Variants in LETMD1 observed in about 807,000 individuals in gnomAD.
LETMD1 encodes the protein LETM1 domain containing 1.
Under a neutral mutation model 43.9 loss-of-function variants are expected in LETMD1, and 30 were observed. That is an observed-to-expected ratio of 0.68 (90% CI 0.51 to 0.93). LETMD1 has a LOEUF of 0.93. Among genes scored for constraint, LETMD1 ranks in the 40% least tolerant of loss-of-function variants. LETMD1 has a pLI of 0.00. For missense variants in LETMD1, 413 were observed against 447.7 expected, an observed-to-expected ratio of 0.92 and a Z score of 0.70; for synonymous variants, 176 against 163.1, an observed-to-expected ratio of 1.08 and a Z score of -0.60.
intron 3 of LETMD1, among the ~76,000 whole-genome samples, chr12:51,053,284 G>A (rs144105648): frequency 6.6e-6 from 1 of 152,138 alleles, no homozygotes; most frequent in African/African-American, 2.4e-5. Context: ...GACATTATTT[G>A]GGATACAAAA....
chr12:51,048,497 G>GA lies in LETMD1; in HGVS notation c.122+23dup, dbSNP rs34799767. The GA allele has an allele frequency of 5.0e-6, 8 of 1,611,454 alleles. 1 individual carries two copies. The South Asian group carries it at 8.8e-5, about 18-fold the overall frequency. ...CCCCTCGGTGAGGGACCTGTAGCGA[G>GA]AAAAGCATTTTTGACGTCCAGGCTC... On this transcript the variant is annotated intron_variant, in intron 1 of 8. Coordinates refer to ENST00000262055, the MANE Select transcript of LETMD1 (RefSeq NM_015416.5).
downstream of LETMD1, chr12:51,063,454 CT>C: frequency 4.6e-6 from 1 of 217,540 alleles, no homozygotes; most frequent in Non-Finnish European, 9.1e-6. Flanking sequence ...AGTTACCCAG[CT>C]TTTCCTGTGA....
At chr12:51,068,107 C>A in the LETMD1 span, 1 of 724,016 alleles carries the variant, frequency 1.4e-6, no homozygotes. Context: ...ATGGCAGCTA[C>A]TAGCACATGT....
At chr12:51,055,779 T>C in intron 4 of LETMD1, 56 bp from the exon 5 acceptor site, 1 of 1,305,044 alleles carries the variant, frequency 7.7e-7, no homozygotes, top group Non-Finnish European at 1.1e-6. Context: ...TTTCTTTGGC[T>C]TCCTCTGAAA....
chr12:51,055,733 C>T, intron 4 of LETMD1, 102 bp from the exon 5 acceptor site: 2 of 631,316 alleles, frequency 3.2e-6, no homozygotes, highest in East Asian at 5.8e-5. Flanking sequence ...ATAGTGTCTC[C>T]ATCTCTTCTT....
intron 2 of LETMD1, 108 bp from the exon 3 acceptor site, chr12:51,051,969 AGCTTTGAGTATCGTT>A (rs1323356580): frequency 1.3e-6 from 1 of 786,894 alleles, no homozygotes; most frequent in African/African-American, 1.8e-5. Context: ...CCTAGTTTAA[AGCTTTGAGTATCGTT>A]GGGGAGGGGT....
chr12:51,051,353 G>A (rs573986071), intron 2 of LETMD1, among the ~76,000 whole-genome samples: 46 of 151,130 alleles, frequency 3.0e-4, no homozygotes, highest in African/African-American at 1.1e-3. Context: ...GCAGTGAGCC[G>A]AGATTGCGCC....
At chr12:51,053,469 C>A (rs1431924591) in intron 3 of LETMD1, among the ~76,000 whole-genome samples, 2 of 152,108 alleles carry the variant, frequency 1.3e-5, no homozygotes, top group African/African-American at 4.8e-5. Flanking sequence ...ATGGTGAAAC[C>A]CTGTCTCGAC....
chr12:51,054,537 G>A (rs1002060323), intron 4 of LETMD1, among the ~76,000 whole-genome samples: 1 of 152,142 alleles, frequency 6.6e-6, no homozygotes, highest in African/African-American at 2.4e-5. Flanking sequence ...GCCCAGATGT[G>A]GCTTCTTCAG....
intron 7 of LETMD1, 197 bp from the exon 8 acceptor site, chr12:51,057,835 C>G: frequency 1.6e-6 from 1 of 611,216 alleles, no homozygotes; most frequent in Non-Finnish European, 3.0e-6. Flanking sequence ...CCATATTGGC[C>G]AGGCTGGTCT....
At chr12:51,067,018 T>C in the LETMD1 span, among the ~76,000 whole-genome samples, 84 of 152,122 alleles carry the variant, frequency 5.5e-4, no homozygotes, top group African/African-American at 2.0e-3. This position sits in a 1 kb window ranked among gnomAD's most constrained non-coding sequence, Gnocchi z 4.1. Context: ...TTTGTAAAGA[T>C]GGGGCTTAGC....
the LETMD1 span, among the ~76,000 whole-genome samples, chr12:51,065,463 T>C: frequency 6.6e-6 from 1 of 152,216 alleles, no homozygotes; most frequent in Non-Finnish European, 1.5e-5. Flanking sequence ...CTTTCTATGA[T>C]ACTGACTTAT....
downstream of LETMD1, chr12:51,064,153 G>C (rs1937859475): frequency 1.9e-6 from 3 of 1,614,138 alleles, no homozygotes; most frequent in Non-Finnish European, 2.5e-6. Flanking sequence ...AAGTAGGATG[G>C]GCTGTTCACC....
chr12:51,068,010 G>A, the LETMD1 span: 811,586 of 1,583,640 alleles, frequency 0.51, 218,926 homozygotes, highest in Non-Finnish European at 0.57. Context: ...AGACATGAGC[G>A]GCATGCACCT....
intron 3 of LETMD1, among the ~76,000 whole-genome samples, chr12:51,052,611 T>C (rs1946478303): frequency 6.6e-6 from 1 of 151,942 alleles, no homozygotes. Flanking sequence ...TCAAACCCCA[T>C]CTCTACTGAA....
At chr12:51,049,217 A>G (rs1394707139) in intron 2 of LETMD1, 32 bp downstream of exon 2, 35 of 1,592,886 alleles carry the variant, frequency 2.2e-5, no homozygotes, top group Non-Finnish European at 2.9e-5. Flanking sequence ...AAATTCCGGA[A>G]TCAGCTCTTG....
At position 51,055,900 on chromosome 12, in the gene LETMD1, T is replaced by C. The variant is rs34293530; in HGVS notation, c.539T>C (p.Leu180Ser). The C allele has an allele frequency of 7.8e-4, 1,263 of 1,614,004 alleles. 9 individuals are homozygous for C. In the African/African-American group the frequency reaches 0.014, roughly 18 times the overall value. Residue 180 changes from leucine to serine, a missense_variant, in exon 5 of 9, where the codon TTA becomes TCA. Physicochemically the swap from Leu to Ser is moderately radical, Grantham distance 145. Coordinates refer to ENST00000262055, the MANE Select transcript of LETMD1 (RefSeq NM_015416.5). ...ACCCCAAAACAACAAACTGATTTCT[T>C]AGATATCTATCATGCTTTCCGGAAG... The part of the protein sequence containing the change: ...FWTPKQQTDF[L>S]DIYHAFRKQS...
chr12:51,051,177 G>T lies in LETMD1; in HGVS notation c.275-915G>T, dbSNP rs186457318. On this transcript the variant is annotated intron_variant, in intron 2 of 8. Coordinates refer to ENST00000262055, the MANE Select transcript of LETMD1 (RefSeq NM_015416.5). ...TCCTAGCACTTTGGGAGGCCAAGGC[G>T]GGCGGATCATGAGGTCAGGAGTTTG... Among the ~76,000 whole-genome samples, 565 of 149,412 alleles carry T rather than the reference G, an allele frequency of 3.8e-3. 6 individuals carry two copies. Among genetic ancestry groups the T allele is most frequent in the African/African-American group, 0.013 (516 of 40,512 alleles).
Position 51,056,512 on chromosome 12 carries a change from T to G in LETMD1, c.915+10T>G, listed in dbSNP as rs1947774479. On this transcript the variant is annotated intron_variant, in intron 7 of 8. Coordinates refer to ENST00000262055, the MANE Select transcript of LETMD1 (RefSeq NM_015416.5). ...TCAGGAAGTAAAATCGGTAAGAGCTTGATTGCAACATCAACCCTCAACCCT... is the reference window on the plus strand; with the variant it reads ...TCAGGAAGTAAAATCGGTAAGAGCTGGATTGCAACATCAACCCTCAACCCT... The G allele has an allele frequency of 6.2e-7, 1 of 1,614,014 alleles. No homozygotes were observed. Among genetic ancestry groups the G allele is most frequent in the Non-Finnish European group, 8.5e-7 (1 of 1,180,032 alleles).
Sources: allele counts gnomAD v4.1 joint callset (sites outside exome capture counted in the v4.1 genomes callset), GRCh38; gene constraint gnomAD v4.1.1; non-coding constraint Gnocchi (gnomAD v3.1); transcripts MANE v1.5; gene names NCBI Gene and HGNC (gene_info 2026-07-23, HGNC 2026-07-21).